ZRANB3: variants seen among roughly 807,000 people sequenced by gnomAD.
ZRANB3 encodes zinc finger RANBP2-type containing 3.
A neutral mutation model predicts 133.8 loss-of-function variants in ZRANB3; 125 were observed. That is an observed-to-expected ratio of 0.93 (90% CI 0.81 to 1.08). ZRANB3 has a LOEUF of 1.08. ZRANB3 is among the 50% of genes least tolerant of loss of function. The pLI, the probability that ZRANB3 is intolerant of heterozygous loss-of-function variation, is 0.00. For synonymous variants in ZRANB3, 387 were observed against 432.7 expected, an observed-to-expected ratio of 0.89 and a Z score of 1.31; for missense variants, 1,229 against 1,275.5, an observed-to-expected ratio of 0.96 and a Z score of 0.56.
chr2:135,407,226 C>T (rs1252289498), intron 2 of ZRANB3, among the ~76,000 whole-genome samples: 8 of 151,860 alleles, frequency 5.3e-5, no homozygotes, highest in African/African-American at 1.9e-4. Context: ...TTCACAATTG[C>T]TTCAATAAGA....
chr2:135,288,843 T>G (rs1338535398), intron 8 of ZRANB3, among the ~76,000 whole-genome samples: 1 of 151,624 alleles, frequency 6.6e-6, no homozygotes, highest in African/African-American at 2.4e-5. Context: ...TTGTTTATAT[T>G]TTTAAAGAAC....
intron 2 of ZRANB3, among the ~76,000 whole-genome samples, chr2:135,503,949 G>C (rs1693059137): frequency 6.6e-6 from 1 of 151,854 alleles, no homozygotes; most frequent in Admixed American, 6.6e-5. Flanking sequence ...CAGCCTGGGT[G>C]AAAGGGCAGA....
At chr2:135,250,838 G>T (rs1679358462) in intron 12 of ZRANB3, among the ~76,000 whole-genome samples, 1 of 152,222 alleles carries the variant, frequency 6.6e-6, no homozygotes, top group African/African-American at 2.4e-5. Flanking sequence ...CTCTGCTAGG[G>T]CAGTGCAGAA....
chr2:135,493,601 CATA>C (rs1481696367), intron 2 of ZRANB3, among the ~76,000 whole-genome samples: 1 of 151,960 alleles, frequency 6.6e-6, no homozygotes, highest in African/African-American at 2.4e-5. Flanking sequence ...CAAAGTAAAA[CATA>C]ATAAGCTACA....
At chr2:135,412,163 T>C (rs1404976141) in intron 2 of ZRANB3, among the ~76,000 whole-genome samples, 3 of 152,136 alleles carry the variant, frequency 2.0e-5, no homozygotes, top group Non-Finnish European at 4.4e-5. Flanking sequence ...ATGTCCACAA[T>C]ATAGAGACTA....
Position 135,207,665 on chromosome 2 carries a change from A to G in ZRANB3, c.2778T>C (p.Cys926=), listed in dbSNP as rs770700314. The change falls in exon 19 of 21, where the codon TGT becomes TGC. Residue 926 remains cysteine, a synonymous_variant. Transcript: ENST00000264159. ...QQPTCQTKQA[C]KANSWDSRFC... ...ACCGTGAATCCCAAGAGTTCGCTTT[A>G]CATGCTTGCTTAGTCTGGCAAGTGG... is the stretch of plus-strand genomic sequence containing the variant. 4.3e-6 allele frequency: 7 copies of G among 1,613,906 alleles called. No individual in the cohort carries two copies. The highest frequency in any genetic ancestry group is 5.9e-6 in the Non-Finnish European group (7 of 1,179,906).
intron 2 of ZRANB3, among the ~76,000 whole-genome samples, chr2:135,414,149 A>C (rs1191577403): frequency 6.6e-6 from 1 of 152,192 alleles, no homozygotes; most frequent in Non-Finnish European, 1.5e-5. Flanking sequence ...TTTAAAAGAC[A>C]CAGACTGGCA....
intron 2 of ZRANB3, among the ~76,000 whole-genome samples, chr2:135,401,248 C>G (rs1262683054): frequency 6.7e-6 from 1 of 149,560 alleles, no homozygotes; most frequent in Non-Finnish European, 1.5e-5. Context: ...CTTTAATTAT[C>G]AGTAATTATG....
At chr2:135,459,861 AT>A (rs1690688011) in intron 2 of ZRANB3, among the ~76,000 whole-genome samples, 3 of 152,360 alleles carry the variant, frequency 2.0e-5, no homozygotes, top group East Asian at 1.9e-4. Context: ...GATTAAAAAA[AT>A]AAAAATAGAA....
At chr2:135,517,278 T>A (rs531071842) in intron 1 of ZRANB3, among the ~76,000 whole-genome samples, 1 of 152,208 alleles carries the variant, frequency 6.6e-6, no homozygotes, top group African/African-American at 2.4e-5. Context: ...CTTCTGTGAA[T>A]TCATCAAACT....
At chr2:135,311,225 C>G (rs1465117261) in intron 8 of ZRANB3, among the ~76,000 whole-genome samples, 1 of 152,116 alleles carries the variant, frequency 6.6e-6, no homozygotes, top group Non-Finnish European at 1.5e-5. Flanking sequence ...TCAACACCAT[C>G]AGTCATCGGG....
At chr2:135,522,905 A>G (rs769999710) in intron 1 of ZRANB3, among the ~76,000 whole-genome samples, 16 of 152,210 alleles carry the variant, frequency 1.1e-4, no homozygotes, top group Non-Finnish European at 1.6e-4. Context: ...GATTTTACAA[A>G]GATTACCTTG....
intron 3 of ZRANB3, among the ~76,000 whole-genome samples, chr2:135,384,325 C>A (rs989036700): frequency 9.9e-5 from 15 of 152,196 alleles, no homozygotes; most frequent in Admixed American, 9.8e-4. Context: ...AGACCAATAA[C>A]AGGCTCTGAA....
At chr2:135,302,654 T>G (rs995987893) in intron 8 of ZRANB3, among the ~76,000 whole-genome samples, 3 of 151,958 alleles carry the variant, frequency 2.0e-5, no homozygotes, top group Non-Finnish European at 4.4e-5. Context: ...ACCTCCCAAG[T>G]ACCTGGGACT....
intron 2 of ZRANB3, among the ~76,000 whole-genome samples, chr2:135,419,310 A>T (rs528768956): frequency 6.6e-6 from 1 of 151,914 alleles, no homozygotes; most frequent in Non-Finnish European, 1.5e-5. Context: ...TTTTGTGTAC[A>T]TTTTGGATTT....
chr2:135,520,874 A>C (rs1693907923), intron 1 of ZRANB3, among the ~76,000 whole-genome samples: 1 of 152,046 alleles, frequency 6.6e-6, no homozygotes, highest in African/African-American at 2.4e-5. Context: ...TCCTGGCCTT[A>C]AGCAATCCTT....
At chr2:135,472,621 G>A (rs138077139) in intron 2 of ZRANB3, among the ~76,000 whole-genome samples, 31 of 151,968 alleles carry the variant, frequency 2.0e-4, no homozygotes, top group African/African-American at 6.7e-4. Context: ...CAGAATCTAT[G>A]GTATAACAGA....
Position 135,200,239 on chromosome 2 carries a change from C to T in ZRANB3, c.*103G>A. 1 of 921,822 alleles carries T rather than the reference C, an allele frequency of 1.1e-6. No homozygotes were observed. The allele number at this position is 921,822 out of a possible 1,614,324, so 57.1% of individuals were successfully genotyped here. A position where few individuals can be genotyped will look rare whatever the true frequency, so the allele number is the denominator to read the frequency against. ...AGAATTTGAATTCTTGATTTTTGTT[C>T]TGAAAATTTTTACTCTCGATATATT... is the stretch of plus-strand genomic sequence containing the variant. On this transcript the variant is annotated 3_prime_UTR_variant, in exon 21 of 21. Transcript: ENST00000264159.
intron 12 of ZRANB3, among the ~76,000 whole-genome samples, chr2:135,231,735 C>G (rs1465837263): frequency 6.6e-6 from 1 of 152,032 alleles, no homozygotes. Flanking sequence ...CTACAGTGAG[C>G]TGTGATTGTG....
Sources: gnomAD v4.1 joint callset for allele counts (sites outside exome capture counted in the v4.1 genomes callset) on GRCh38, gnomAD v4.1.1 for gene constraint, MANE v1.5 for transcripts, NCBI Gene and HGNC (gene_info 2026-07-23, HGNC 2026-07-21) for gene names.